Variants in PTPRM observed in about 807,000 individuals in gnomAD.
PTPRM encodes the protein protein tyrosine phosphatase receptor type M.
A neutral mutation model predicts 186.7 loss-of-function variants in PTPRM; 47 were observed. The observed-to-expected ratio is 0.25, with a 90% CI of 0.20 to 0.32. The LOEUF (loss-of-function observed/expected upper bound fraction) is 0.32, where lower values mean the gene tolerates loss of function less well. Ranked by LOEUF, PTPRM falls within the 10% of genes least tolerant of loss-of-function variation. PTPRM has a pLI of 1.00. For missense variants in PTPRM, 1,494 were observed against 1,865.0 expected (o/e 0.80, Z 3.66); for synonymous variants, 668 against 674.9 (o/e 0.99, Z 0.16).
At chr18:8,075,223 G>A (rs917128395) in intron 8 of PTPRM, among the ~76,000 whole-genome samples, 5 of 151,940 alleles carry the variant, frequency 3.3e-5, no homozygotes, top group Admixed American at 1.3e-4. Context: ...GGTTTCTTGA[G>A]TACTGGGATT....
At chr18:7,759,094 A>G (rs1221821049) in intron 1 of PTPRM, among the ~76,000 whole-genome samples, 1 of 152,126 alleles carries the variant, frequency 6.6e-6, no homozygotes, top group Admixed American at 6.5e-5. Flanking sequence ...ATTGGTTTAA[A>G]CCTTACAGAA....
At chr18:8,280,005 G>A (rs2094883463) in intron 19 of PTPRM, among the ~76,000 whole-genome samples, 1 of 152,124 alleles carries the variant, frequency 6.6e-6, no homozygotes. Context: ...CATCAGAATC[G>A]CTTCCATTTA....
rs78247778 is a variant in PTPRM at position 8,386,542 on chromosome 18, T to A, written c.4045-530T>A. Among the ~76,000 whole-genome samples the A allele has an allele frequency of 3.9e-5, 6 of 152,184 alleles. No individual in the cohort carries two copies. In the East Asian group the frequency reaches 9.6e-4, roughly 24 times the overall value. Reference sequence around the variant, plus strand: ...CAGATTAAAGCTGTTTTCATGTTTCTATCATAAGCTAAGTAACACTTTTTT... The same window carrying A: ...CAGATTAAAGCTGTTTTCATGTTTCAATCATAAGCTAAGTAACACTTTTTT... On this transcript the variant is annotated intron_variant, in intron 30 of 32. Coordinates refer to ENST00000580170, the MANE Select transcript of PTPRM (RefSeq NM_001105244.2).
intron 1 of PTPRM, among the ~76,000 whole-genome samples, chr18:7,669,683 A>C (rs1311229421): frequency 6.6e-6 from 1 of 152,140 alleles, no homozygotes; most frequent in East Asian, 1.9e-4. Context: ...CATGCAAGGC[A>C]CATGTGGTGA....
intron 29 of PTPRM, among the ~76,000 whole-genome samples, chr18:8,383,629 A>C (rs1300077066): frequency 6.6e-6 from 1 of 152,178 alleles, no homozygotes; most frequent in Non-Finnish European, 1.5e-5. Context: ...TTGAGGCTGT[A>C]GGAAATTGCT....
intron 4 of PTPRM, among the ~76,000 whole-genome samples, chr18:7,910,016 C>T (rs1016113669): frequency 3.3e-5 from 5 of 152,112 alleles, no homozygotes; most frequent in Non-Finnish European, 5.9e-5. Context: ...CTAATGTTGC[C>T]TCCTGTTCTT....
At chr18:7,804,940 C>T (rs2044159343) in intron 2 of PTPRM, among the ~76,000 whole-genome samples, 1 of 152,184 alleles carries the variant, frequency 6.6e-6, no homozygotes, top group Non-Finnish European at 1.5e-5. Context: ...GCATTTCTGT[C>T]ATTTGTGCCT....
At chr18:8,294,212 AC>A (rs1189878104) in intron 19 of PTPRM, among the ~76,000 whole-genome samples, 1 of 152,214 alleles carries the variant, frequency 6.6e-6, no homozygotes, top group African/African-American at 2.4e-5. Flanking sequence ...AGATCGTGCC[AC>A]TGCACTCTAG....
intron 19 of PTPRM, chr18:8,270,533 T>A (rs1057191999): frequency 6.6e-6 from 1 of 152,030 alleles, no homozygotes. Context: ...AATAGAAGCA[T>A]CTTAAAGAGA....
rs558973548 is a variant in PTPRM at position 8,286,430 on chromosome 18, G to A, written c.2755-9938G>A. On this transcript the variant is annotated intron_variant, in intron 19 of 32. Coordinates refer to ENST00000580170, the MANE Select transcript of PTPRM (RefSeq NM_001105244.2). ...TGATCAGCACCACGTGGAAACTTCC[G>A]CCATGCTGGGATTTCTGCTCCATAC... Among the ~76,000 whole-genome samples, 7 of 152,290 alleles carry A rather than the reference G, an allele frequency of 4.6e-5. No homozygotes were observed. In the South Asian group the frequency reaches 1.0e-3, roughly 23 times the overall value.
At chr18:7,924,322 A>G (rs533179695) in intron 4 of PTPRM, among the ~76,000 whole-genome samples, 2 of 152,152 alleles carry the variant, frequency 1.3e-5, no homozygotes, top group Non-Finnish European at 2.9e-5. Context: ...ATTTTTTTTA[A>G]TGTTTCCAGT....
At chr18:7,786,982 G>C (rs1363747958) in intron 2 of PTPRM, among the ~76,000 whole-genome samples, 3 of 152,210 alleles carry the variant, frequency 2.0e-5, no homozygotes, top group Admixed American at 6.5e-5. Flanking sequence ...TATTTGAATT[G>C]ATCTGAGTCT....
At chr18:7,934,272 T>G (rs1364227816) in intron 5 of PTPRM, among the ~76,000 whole-genome samples, 1 of 152,164 alleles carries the variant, frequency 6.6e-6, no homozygotes, top group Non-Finnish European at 1.5e-5. Flanking sequence ...AAAAACTTAC[T>G]TAGAGTTAAC....
intron 23 of PTPRM, among the ~76,000 whole-genome samples, chr18:8,361,843 C>T (rs1188632323): frequency 3.9e-5 from 6 of 152,208 alleles, no homozygotes; most frequent in African/African-American, 1.4e-4. Context: ...ACTGTGTCAT[C>T]ATTAAATGTT....
Position 8,162,736 on chromosome 18 carries a change from A to G in PTPRM, c.2300+18957A>G, listed in dbSNP as rs553206783. Among the ~76,000 whole-genome samples, 42 of 152,324 alleles carry G rather than the reference A, an allele frequency of 2.8e-4. 1 individual carries two copies. Among genetic ancestry groups the G allele is most frequent in the African/African-American group, 9.6e-4 (40 of 41,584 alleles). ...ATTTATCTGAGAATAAGTACATAGC[A>G]TATTTCCCTATGTATCCATTCCTCT... On this transcript the variant is annotated intron_variant, in intron 14 of 32. Coordinates refer to ENST00000580170, the MANE Select transcript of PTPRM (RefSeq NM_001105244.2).
At chr18:8,188,972 G>C (rs2093676007) in intron 14 of PTPRM, among the ~76,000 whole-genome samples, 1 of 152,186 alleles carries the variant, frequency 6.6e-6, no homozygotes, top group African/African-American at 2.4e-5. Flanking sequence ...TCCAAAGATG[G>C]CTGAGTATAA....
chr18:7,936,456 G>C (rs541861374), intron 5 of PTPRM, among the ~76,000 whole-genome samples: 1 of 152,190 alleles, frequency 6.6e-6, no homozygotes, highest in African/African-American at 2.4e-5. Context: ...TCGCAACCCA[G>C]CCAGGTGTGT....
chr18:8,047,181 A>T (rs143298237), intron 7 of PTPRM, among the ~76,000 whole-genome samples: 3 of 152,174 alleles, frequency 2.0e-5, no homozygotes, highest in African/African-American at 7.2e-5. Context: ...GAGCATTTTA[A>T]ATTAAATGGA....
intron 8 of PTPRM, among the ~76,000 whole-genome samples, chr18:8,072,655 G>A (rs1469401224): frequency 1.3e-5 from 2 of 152,068 alleles, no homozygotes. Flanking sequence ...ATTGAACATT[G>A]TGAGTTTTAT....
Sources: gnomAD v4.1 joint callset for allele counts (sites outside exome capture counted in the v4.1 genomes callset) on GRCh38, gnomAD v4.1.1 for gene constraint, MANE v1.5 for transcripts, NCBI Gene and HGNC (gene_info 2026-07-23, HGNC 2026-07-21) for gene names.